The following CNBD1 variants were observed in gnomAD, a reference collection of about 807,000 sequenced individuals.
CNBD1 encodes the protein cyclic nucleotide-binding domain-containing protein 1.
A neutral mutation model predicts 54.4 loss-of-function variants in CNBD1; 71 were observed. The ratio of observed to expected loss-of-function variants is 1.30; its 90% CI spans 1.08 to 1.59. The LOEUF (loss-of-function observed/expected upper bound fraction) is 1.59. Among genes scored for constraint, CNBD1 ranks in the 40% most tolerant of loss-of-function variants. The pLI is 0.00. For missense variants in CNBD1, 659 were observed against 518.0 expected (o/e 1.27, Z -2.64); for synonymous variants, 182 against 170.7 (o/e 1.07, Z -0.51).
At chr8:86,958,868 A>C (rs956395389) in intron 4 of CNBD1, among the ~76,000 whole-genome samples, 37 of 152,196 alleles carry the variant, frequency 2.4e-4, no homozygotes, top group Non-Finnish European at 1.2e-4. Flanking sequence ...TGATCCTGTC[A>C]TTATGATATT....
intron 10 of CNBD1, among the ~76,000 whole-genome samples, chr8:87,358,786 G>T (rs1316196533): frequency 6.6e-6 from 1 of 152,122 alleles, no homozygotes; most frequent in Non-Finnish European, 1.5e-5. Flanking sequence ...AAACTGGAGA[G>T]GGCAGACAGG....
intron 3 of CNBD1, among the ~76,000 whole-genome samples, chr8:86,928,125 T>C (rs1809395312): frequency 6.6e-6 from 1 of 152,138 alleles, no homozygotes; most frequent in Admixed American, 6.6e-5. Context: ...ACAGCTCTGT[T>C]CCCTTGTCTC....
At chr8:86,889,018 C>T (rs1014478533) in intron 2 of CNBD1, among the ~76,000 whole-genome samples, 2 of 152,128 alleles carry the variant, frequency 1.3e-5, no homozygotes, top group Non-Finnish European at 2.9e-5. Context: ...TTATCTCATT[C>T]AGGTCCAATC....
chr8:86,911,477 T>C (rs1050488286), intron 3 of CNBD1, among the ~76,000 whole-genome samples: 1 of 152,212 alleles, frequency 6.6e-6, no homozygotes, highest in East Asian at 1.9e-4. Flanking sequence ...TATTGATACA[T>C]AGTAGATGTA....
chr8:87,266,436 A>ATTT (rs1712234748), intron 6 of CNBD1, among the ~76,000 whole-genome samples: 5 of 76,218 alleles, frequency 6.6e-5, no homozygotes, highest in African/African-American at 8.0e-5. Context: ...AAAAAAAAAA[A>ATTT]TCTTTTTTTT....
In CNBD1 at chr8:87,252,847, G is replaced by A. The variant is rs142969187; in HGVS notation, c.771+15735G>A. Among the ~76,000 whole-genome samples the A allele has an allele frequency of 1.9e-3, 284 of 152,192 alleles. 2 individuals carry two copies. Among genetic ancestry groups the A allele is most frequent in the African/African-American group, 6.2e-3 (257 of 41,530 alleles). ...GGATGTCAGGGGTGGGATGAGCTGC[G>A]TGGCCAAATATGCCTACTGAGAATG... On this transcript the variant is annotated intron_variant, in intron 6 of 10. Coordinates refer to ENST00000518476, the MANE Select transcript of CNBD1 (RefSeq NM_173538.3).
chr8:87,382,961 A>T (rs1450480576), downstream of CNBD1: 4 of 191,094 alleles, frequency 2.1e-5, no homozygotes, highest in Admixed American at 2.4e-4. Context: ...GACCATGCAC[A>T]AAAGGATGGA....
At chr8:87,024,942 T>C (rs2453449) in intron 4 of CNBD1, among the ~76,000 whole-genome samples, 64,748 of 151,948 alleles carry the variant, frequency 0.43, 14,777 homozygotes, top group African/African-American at 0.58. Context: ...CTTTCCTGAG[T>C]GCATAGAAAC....
rs187020639 is a variant in CNBD1 at position 87,153,743 on chromosome 8, G to A, written c.432-52250G>A. Among the ~76,000 whole-genome samples the A allele has an allele frequency of 7.1e-4, 108 of 152,330 alleles. No homozygotes were observed. The Middle Eastern group carries it at 0.014, about 19-fold the overall frequency. On this transcript the variant is annotated intron_variant, in intron 4 of 10. Coordinates refer to ENST00000518476, the MANE Select transcript of CNBD1 (RefSeq NM_173538.3). The stretch of plus-strand genomic sequence containing the variant: ...AGATACATGAGTGAGCAGAGTAGAT[G>A]TGGCTTCTGCACTTACATAGGATTG...
chr8:87,269,372 T>G (rs917512564), intron 6 of CNBD1, among the ~76,000 whole-genome samples: 2 of 152,162 alleles, frequency 1.3e-5, no homozygotes, highest in African/African-American at 4.8e-5. Flanking sequence ...CCAGCTTCGT[T>G]CTTTTTGCTT....
At chr8:86,940,193 C>G (rs993784050) in intron 4 of CNBD1, among the ~76,000 whole-genome samples, 4 of 128,904 alleles carry the variant, frequency 3.1e-5, no homozygotes, top group African/African-American at 1.2e-4. Flanking sequence ...TGCAATGGCA[C>G]AGTTTCGGCT....
intron 2 of CNBD1, among the ~76,000 whole-genome samples, chr8:87,401,746 T>G (rs1807569198): frequency 6.6e-6 from 1 of 152,046 alleles, no homozygotes; most frequent in Non-Finnish European, 1.5e-5. Context: ...AAGCATGGAT[T>G]TTTTAAAAAA....
chr8:87,129,096 T>TAAAAAAAAAA (rs1563479517), intron 4 of CNBD1, among the ~76,000 whole-genome samples: 4 of 34,740 alleles, frequency 1.2e-4, no homozygotes, highest in African/African-American at 4.8e-4. Context: ...AAAAAAGAAT[T>TAAAAAAAAAA]TTGCTATCTT....
At chr8:86,916,379 C>T (rs1809185389) in intron 3 of CNBD1, among the ~76,000 whole-genome samples, 1 of 152,152 alleles carries the variant, frequency 6.6e-6, no homozygotes, top group Non-Finnish European at 1.5e-5. Context: ...TGGGGTCTTG[C>T]ATTCCTTCTC....
intron 2 of CNBD1, among the ~76,000 whole-genome samples, chr8:87,391,938 G>T (rs913431281): frequency 6.6e-6 from 1 of 151,990 alleles, no homozygotes; most frequent in Non-Finnish European, 1.5e-5. Flanking sequence ...TAATTTCTAT[G>T]ACAAAGACTT....
At chr8:87,134,966 G>T (rs1324573120) in intron 4 of CNBD1, among the ~76,000 whole-genome samples, 1 of 152,006 alleles carries the variant, frequency 6.6e-6, no homozygotes, top group Non-Finnish European at 1.5e-5. Flanking sequence ...TTGTTAACAG[G>T]AAATTTTGAG....
At chr8:87,228,933 A>T (rs888149130) in intron 5 of CNBD1, among the ~76,000 whole-genome samples, 1 of 152,004 alleles carries the variant, frequency 6.6e-6, no homozygotes, top group Non-Finnish European at 1.5e-5. Flanking sequence ...TGGGGGATAT[A>T]ATCTCATGGT....
At chr8:87,232,732 A>T (rs1186989216) in intron 5 of CNBD1, among the ~76,000 whole-genome samples, 1 of 152,142 alleles carries the variant, frequency 6.6e-6, no homozygotes, top group Non-Finnish European at 1.5e-5. Flanking sequence ...TTAAAATGCA[A>T]ATATACTGTA....
chr8:87,056,178 A>G (rs899272630), intron 4 of CNBD1, among the ~76,000 whole-genome samples: 1 of 152,142 alleles, frequency 6.6e-6, no homozygotes, highest in African/African-American at 2.4e-5. Flanking sequence ...TTGTTAGCCT[A>G]TACAGAGCCT....
Sources: allele counts gnomAD v4.1 joint callset (sites outside exome capture counted in the v4.1 genomes callset), GRCh38; gene constraint gnomAD v4.1.1; transcripts MANE v1.5; gene names NCBI Gene and HGNC (gene_info 2026-07-23, HGNC 2026-07-21).